The following TUB variants were observed in gnomAD, a reference collection of about 807,000 sequenced individuals.
The protein encoded by TUB is TUB bipartite transcription factor, also known as tubby protein homolog.
In TUB, 33 loss-of-function variants were observed where a neutral mutation model predicts 59.7. The observed-to-expected ratio is 0.55, with a 90% CI of 0.42 to 0.74. The LOEUF is 0.74. Ranked by LOEUF, TUB falls within the 30% of genes least tolerant of loss-of-function variation. The pLI, the probability that TUB is intolerant of heterozygous loss-of-function variation, is 0.00. For synonymous variants in TUB, 293 were observed against 256.4 expected, an observed-to-expected ratio of 1.14 and a Z score of -1.36; for missense variants, 659 against 672.0, an observed-to-expected ratio of 0.98 and a Z score of 0.21.
intron 2 of TUB, chr11:8,069,341 C>A (rs1251073280): frequency 6.8e-6 from 1 of 146,368 alleles, no homozygotes; most frequent in Non-Finnish European, 1.5e-5. Flanking sequence ...TTATTTTACA[C>A]TTTTGTCATA....
intron 4 of TUB, among the ~76,000 whole-genome samples, chr11:8,095,247 G>C (rs530476194): frequency 1.4e-4 from 21 of 152,172 alleles, no homozygotes; most frequent in African/African-American, 5.1e-4. Flanking sequence ...CTTTAAGGAC[G>C]TGAGGTGTTG....
chr11:8,094,037 C>G lies in TUB; in HGVS notation c.254-9C>G. On this transcript the variant is annotated splice_polypyrimidine_tract_variant and intron_variant, in intron 3 of 11. Transcript: ENST00000299506. ...TCTCTCTCTCCATCTGGGGATGTTT[C>G]CTGAGCAGTTCAAGAGGCCGACTCA... The G allele has an allele frequency of 6.2e-7, 1 of 1,614,134 alleles. No homozygotes were observed.
At chr11:8,086,204 A>G (rs568622085) in intron 1 of TUB, among the ~76,000 whole-genome samples, 34 of 152,294 alleles carry the variant, frequency 2.2e-4, no homozygotes, top group African/African-American at 6.3e-4. Context: ...CAGTTATTCC[A>G]TAATTGGAGC....
intron 2 of TUB, among the ~76,000 whole-genome samples, chr11:8,058,216 A>G (rs11041726): frequency 0.58 from 79,856 of 137,738 alleles, 22,458 homozygotes; most frequent in Middle Eastern, 0.72. Context: ...TCTCTCTCAA[A>G]AATTAAAAAA....
At chr11:8,033,279 GGACTCCGGGA>G (rs998899301) in intron 1 of TUB, among the ~76,000 whole-genome samples, 8 of 152,190 alleles carry the variant, frequency 5.3e-5, no homozygotes, top group South Asian at 2.1e-4. Context: ...TTCAGGGCCT[GGACTCCGGGA>G]GACTCCGGGA....
rs574024736 is a variant in TUB at position 8,061,377 on chromosome 11, G to A, written c.203+21685G>A. On this transcript the variant is annotated intron_variant, in intron 2 of 12. Transcript: ENST00000305253. The stretch of plus-strand genomic sequence containing the variant: ...TGTGGGGGCGTGTGCTGTGGGCAGG[G>A]AGGATGAGAGAGCTGGCCTCAGGAT... Among the ~76,000 whole-genome samples, 210 of 152,308 alleles carry A rather than the reference G, an allele frequency of 1.4e-3. 1 individual carries two copies. The highest frequency in any genetic ancestry group is 4.8e-3 in the African/African-American group (199 of 41,576).
chr11:8,085,491 G>A lies in TUB; in HGVS notation c.38+3943G>A, dbSNP rs189892566. On this transcript the variant is annotated intron_variant, in intron 1 of 11. Transcript: ENST00000299506. The stretch of plus-strand genomic sequence containing the variant: ...ACTGTGTCCCAGTAAGCTGCCAGGC[G>A]ACAGAAGCCACAGATCTGGACTTGC... Among the ~76,000 whole-genome samples, 14 of 152,322 alleles carry A rather than the reference G, an allele frequency of 9.2e-5. No homozygotes were observed. The East Asian group carries it at 2.1e-3, about 23-fold the overall frequency.
chr11:8,050,819 T>C (rs1326139944), intron 2 of TUB, among the ~76,000 whole-genome samples: 1 of 152,260 alleles, frequency 6.6e-6, no homozygotes, highest in Admixed American at 6.5e-5. Flanking sequence ...TAGCTCTTTT[T>C]TCCTATGCTT....
chr11:8,090,235 T>G lies in TUB; in HGVS notation c.253+4T>G. 6.2e-7 allele frequency: 1 copy of G among 1,612,828 alleles called. No individual in the cohort carries two copies. Among genetic ancestry groups the G allele is most frequent in the Non-Finnish European group, 8.5e-7 (1 of 1,179,556 alleles). On this transcript the variant is annotated splice_donor_region_variant and intron_variant, in intron 3 of 11. Transcript: ENST00000299506. ...AGTGGCAGCACCAGCTACCAAGGTATACCTTGCCTGCTGCCCCACATCCCG... is the reference window on the plus strand; with the variant it reads ...AGTGGCAGCACCAGCTACCAAGGTAGACCTTGCCTGCTGCCCCACATCCCG...
At chr11:8,034,266 G>A (rs1942616506), upstream of TUB, among the ~76,000 whole-genome samples, 1 of 152,212 alleles carries the variant, frequency 6.6e-6, no homozygotes, top group Admixed American at 6.5e-5. Context: ...GGACTTCCAT[G>A]AAGCCCAAGG....
chr11:8,098,400 T>C (rs1426190709), intron 8 of TUB, among the ~76,000 whole-genome samples: 3 of 152,134 alleles, frequency 2.0e-5, no homozygotes, highest in Admixed American at 2.0e-4. Context: ...GATCTCATCC[T>C]CTCTCCACGG....
upstream of TUB, among the ~76,000 whole-genome samples, chr11:8,080,394 G>C (rs1943526005): frequency 6.7e-6 from 1 of 149,682 alleles, no homozygotes; most frequent in Admixed American, 6.6e-5. Flanking sequence ...TTGCATTCAA[G>C]CTGGTCCTAG....
At chr11:8,054,627 T>A (rs10839972) in intron 2 of TUB, among the ~76,000 whole-genome samples, 1 of 152,086 alleles carries the variant, frequency 6.6e-6, no homozygotes, top group African/African-American at 2.4e-5. Context: ...GCATACACCT[T>A]GATGTGTGTC....
intron 5 of TUB, among the ~76,000 whole-genome samples, chr11:8,096,395 G>A (rs1289934748): frequency 2.0e-5 from 3 of 152,204 alleles, no homozygotes; most frequent in African/African-American, 7.2e-5. Flanking sequence ...GCTAGGTAGT[G>A]GGGTAATGTA....
intron 2 of TUB, among the ~76,000 whole-genome samples, chr11:8,044,037 A>C (rs1428502446): frequency 1.3e-5 from 2 of 151,988 alleles, no homozygotes; most frequent in Non-Finnish European, 1.5e-5. Flanking sequence ...GCTTTCAACA[A>C]TTGATTATGT....
At chr11:8,080,360 C>T (rs1943525106), upstream of TUB, among the ~76,000 whole-genome samples, 1 of 152,176 alleles carries the variant, frequency 6.6e-6, no homozygotes, top group African/African-American at 2.4e-5. Context: ...CTGTGGGTCC[C>T]GCACCTTCTC....
At chr11:8,075,870 T>G (rs1943440535) in intron 2 of TUB, 1 of 152,192 alleles carries the variant, frequency 6.6e-6, no homozygotes, top group African/African-American at 2.4e-5. Context: ...GAGGAGATGG[T>G]TGGGAAAGGT....
chr11:8,058,181 C>A (rs1324650853), intron 2 of TUB, among the ~76,000 whole-genome samples: 1 of 147,854 alleles, frequency 6.8e-6, no homozygotes, highest in African/African-American at 2.5e-5. Flanking sequence ...CACTGCACTC[C>A]AGCCTGGGCT....
chr11:8,053,554 G>A (rs753853714), intron 2 of TUB, among the ~76,000 whole-genome samples: 9 of 151,720 alleles, frequency 5.9e-5, no homozygotes, highest in Non-Finnish European at 1.2e-4. Flanking sequence ...AGGCTGGAGT[G>A]CAGTTGCACG....
Sources: allele counts gnomAD v4.1 joint callset (sites outside exome capture counted in the v4.1 genomes callset), GRCh38; gene constraint gnomAD v4.1.1; transcripts MANE v1.5; gene names NCBI Gene and HGNC (gene_info 2026-07-23, HGNC 2026-07-21).